The following DPYD variants were observed in gnomAD, a reference collection of about 807,000 sequenced individuals.
DPYD encodes the protein dihydropyrimidine dehydrogenase [NADP(+)].
A neutral mutation model predicts 116.2 loss-of-function variants in DPYD; 109 were observed. That is an observed-to-expected ratio of 0.94 (90% CI 0.80 to 1.10). The LOEUF is 1.10. Ranked by LOEUF, DPYD falls within the 50% of genes least tolerant of loss-of-function variation. The pLI is 0.00. For missense variants in DPYD, 1,302 were observed against 1,254.5 expected (o/e 1.04, Z -0.57); for synonymous variants, 440 against 432.0 (o/e 1.02, Z -0.23).
intron 3 of DPYD, among the ~76,000 whole-genome samples, chr1:97,779,610 T>C (rs910156807): frequency 2.0e-5 from 3 of 152,162 alleles, no homozygotes; most frequent in Non-Finnish European, 2.9e-5. Flanking sequence ...GTGATTCATG[T>C]TTGTAATGGG....
chr1:97,338,374 C>A (rs1669410405), intron 16 of DPYD, among the ~76,000 whole-genome samples: 1 of 152,054 alleles, frequency 6.6e-6, no homozygotes, highest in South Asian at 2.1e-4. Flanking sequence ...GAGAAGAGAG[C>A]AAGTGTGAGG....
intron 16 of DPYD, among the ~76,000 whole-genome samples, chr1:97,323,300 AT>A (rs1269483410): frequency 6.7e-6 from 1 of 148,660 alleles, no homozygotes; most frequent in African/African-American, 2.5e-5. Flanking sequence ...ATATGTGTAT[AT>A]GTACACGTAT....
chr1:97,227,838 T>C (rs1206977626), intron 19 of DPYD, among the ~76,000 whole-genome samples: 1 of 152,006 alleles, frequency 6.6e-6, no homozygotes, highest in South Asian at 2.1e-4. Flanking sequence ...ATTATACATA[T>C]GAAAATAAAT....
chr1:97,506,615 T>C (rs774122990), intron 13 of DPYD, among the ~76,000 whole-genome samples: 1 of 151,926 alleles, frequency 6.6e-6, no homozygotes, highest in African/African-American at 2.4e-5. Flanking sequence ...AGATCAAAAT[T>C]GTACACGTCA....
At chr1:97,796,266 C>T (rs1344499235) in intron 3 of DPYD, among the ~76,000 whole-genome samples, 2 of 152,136 alleles carry the variant, frequency 1.3e-5, no homozygotes, top group East Asian at 1.9e-4. Flanking sequence ...TACTAAAAAG[C>T]TAAGTTGTTT....
At chr1:97,355,432 GA>G (rs1670379109) in intron 16 of DPYD, among the ~76,000 whole-genome samples, 1 of 152,004 alleles carries the variant, frequency 6.6e-6, no homozygotes, top group Admixed American at 6.6e-5. Flanking sequence ...TAGCAATTTT[GA>G]AATGTACAAT....
At chr1:97,718,213 T>C (rs1662723513) in intron 5 of DPYD, among the ~76,000 whole-genome samples, 1 of 152,032 alleles carries the variant, frequency 6.6e-6, no homozygotes, top group Non-Finnish European at 1.5e-5. Context: ...ATTTCCCTGA[T>C]GACTGGTGAT....
chr1:97,373,697 A>T lies in DPYD; in HGVS notation c.1975-53T>A, dbSNP rs990966661. 2.7e-6 allele frequency: 4 copies of T among 1,495,792 alleles called. No homozygotes were observed. The East Asian group carries it at 6.8e-5, about 25-fold the overall frequency. 92.7% of individuals were successfully genotyped at this position (1,495,792 alleles called of 1,614,324 possible). On this transcript the variant is annotated intron_variant, in intron 15 of 22. Transcript: ENST00000370192. ...AAAGGCAAAGCTTTATTTATATACCAATAGGCTTTCACCGTTGATAACACA... is the reference window on the plus strand; with the variant it reads ...AAAGGCAAAGCTTTATTTATATACCTATAGGCTTTCACCGTTGATAACACA...
intron 3 of DPYD, among the ~76,000 whole-genome samples, chr1:97,813,890 C>T (rs1431994336): frequency 6.8e-6 from 1 of 146,310 alleles, no homozygotes; most frequent in Non-Finnish European, 1.5e-5. Context: ...TACTTTTATC[C>T]CATGGCCTAG....
chr1:97,869,447 C>T (rs530168348), intron 2 of DPYD, among the ~76,000 whole-genome samples: 1 of 151,666 alleles, frequency 6.6e-6, no homozygotes, highest in South Asian at 2.1e-4. Context: ...AGAATGTCAC[C>T]GCAAAATATG....
At chr1:97,865,905 T>G (rs1671353177) in intron 2 of DPYD, among the ~76,000 whole-genome samples, 2 of 152,026 alleles carry the variant, frequency 1.3e-5, no homozygotes, top group African/African-American at 4.8e-5. Flanking sequence ...TTTTTCATTA[T>G]TCATTGAACT....
chr1:97,542,842 A>G (rs1046357500), intron 12 of DPYD, among the ~76,000 whole-genome samples: 1 of 152,238 alleles, frequency 6.6e-6, no homozygotes, highest in African/African-American at 2.4e-5. Flanking sequence ...GTGGATGAAT[A>G]AATTAATGAC....
chr1:97,913,600 G>A (rs1359690063), intron 1 of DPYD, among the ~76,000 whole-genome samples: 2 of 152,016 alleles, frequency 1.3e-5, no homozygotes, highest in Non-Finnish European at 2.9e-5. Context: ...CTATTTTGCT[G>A]GCAATTTTCA....
Position 97,296,481 on chromosome 1 carries a change from A to C in DPYD, c.2299+8778T>G, listed in dbSNP as rs112872265. On this transcript the variant is annotated intron_variant, in intron 18 of 22. Transcript: ENST00000370192. ...CTATTTAAGAATAATATGTCTCGAT[A>C]GATACATGATCAAATTATTTAAAAA... Among the ~76,000 whole-genome samples the C allele has an allele frequency of 4.1e-3, 624 of 152,300 alleles. 3 individuals are homozygous for C. Among genetic ancestry groups the C allele is most frequent in the African/African-American group, 0.014 (601 of 41,580 alleles).
At chr1:97,581,901 G>T (rs953809386) in intron 10 of DPYD, among the ~76,000 whole-genome samples, 2 of 152,162 alleles carry the variant, frequency 1.3e-5, no homozygotes, top group Admixed American at 6.5e-5. Context: ...AGTGGGTGTG[G>T]AAGGGTAAAG....
At chr1:97,586,461 CATACATATATATATAT>C (rs1419029979) in intron 10 of DPYD, among the ~76,000 whole-genome samples, 5 of 46,590 alleles carry the variant, frequency 1.1e-4, no homozygotes, top group South Asian at 8.9e-4. Flanking sequence ...AAAATACATA[CATACATATATATATAT>C]ATATATATAT....
intron 5 of DPYD, among the ~76,000 whole-genome samples, chr1:97,719,283 T>C (rs1484363802): frequency 1.3e-5 from 2 of 151,570 alleles, no homozygotes; most frequent in Non-Finnish European, 2.9e-5. Context: ...CATGTTAAAC[T>C]GGAGAAGAAT....
intron 18 of DPYD, among the ~76,000 whole-genome samples, chr1:97,239,375 T>C (rs1314410463): frequency 1.3e-5 from 2 of 152,188 alleles, no homozygotes; most frequent in Non-Finnish European, 2.9e-5. Flanking sequence ...TATATTGATA[T>C]ATGTGTATTA....
chr1:97,099,051 T>C (rs1650476338), intron 20 of DPYD, among the ~76,000 whole-genome samples: 1 of 152,100 alleles, frequency 6.6e-6, no homozygotes, highest in Non-Finnish European at 1.5e-5. Context: ...ATAGACACAG[T>C]TGTAGTCCCT....
Sources: allele counts gnomAD v4.1 joint callset (sites outside exome capture counted in the v4.1 genomes callset), GRCh38; gene constraint gnomAD v4.1.1; transcripts MANE v1.5; gene names NCBI Gene and HGNC (gene_info 2026-07-23, HGNC 2026-07-21).